The following RBMS3 variants were observed in gnomAD, a reference collection of about 807,000 sequenced individuals.
The protein encoded by RBMS3 is RNA-binding motif, single-stranded-interacting protein 3.
In RBMS3, 27 loss-of-function variants were observed where a neutral mutation model predicts 66.8. That is an observed-to-expected ratio of 0.40 (90% confidence interval 0.30 to 0.56). RBMS3 has a LOEUF of 0.56. Among genes scored for constraint, RBMS3 ranks in the 20% least tolerant of loss-of-function variants. RBMS3 has a pLI of 0.40. For synonymous variants in RBMS3, 188 were observed against 183.0 expected (o/e 1.03, Z -0.22); for missense variants, 513 against 549.5 (o/e 0.93, Z 0.66).
intron 1 of RBMS3, among the ~76,000 whole-genome samples, chr3:29,286,607 A>G (rs963825637): frequency 6.6e-6 from 1 of 152,114 alleles, no homozygotes; most frequent in Middle Eastern, 3.2e-3. Context: ...GAAGTAATAA[A>G]ATGTATCTGA....
intron 3 of RBMS3, among the ~76,000 whole-genome samples, chr3:29,540,107 GT>G (rs1190567127): frequency 6.6e-6 from 1 of 152,076 alleles, no homozygotes; most frequent in African/African-American, 2.4e-5. Flanking sequence ...TAATGTCTAA[GT>G]TTTATGTTTC....
chr3:29,383,037 CT>C (rs1194309925), intron 1 of RBMS3, among the ~76,000 whole-genome samples: 1 of 152,164 alleles, frequency 6.6e-6, no homozygotes, highest in African/African-American at 2.4e-5. Flanking sequence ...AAGAGCATGA[CT>C]TGGGGAAATA....
rs2031760143 is a variant in RBMS3 at position 29,281,403 on chromosome 3, A to C, written c.-279A>C. On this transcript the variant is annotated 5_prime_UTR_variant, in exon 1 of 15. Coordinates refer to ENST00000383767, the MANE Select transcript of RBMS3 (RefSeq NM_001003793.3). ...TGCCTCATCCCAAGTGGACCCCGGC[A>C]GCTGGGGGAAGCCAGGCAAGATCTG... 4.1e-6 allele frequency: 2 copies of C among 484,314 alleles called. No individual in the cohort carries two copies. The highest frequency in any genetic ancestry group is 5.7e-5 in the South Asian group (2 of 35,394). 30.0% of individuals were successfully genotyped at this position (484,314 alleles called of 1,614,324 possible).
At chr3:29,475,147 C>T (rs933633279) in intron 2 of RBMS3, among the ~76,000 whole-genome samples, 5 of 151,956 alleles carry the variant, frequency 3.3e-5, no homozygotes, top group Non-Finnish European at 5.9e-5. Flanking sequence ...GTGTCTGTAA[C>T]GGATGCTTAA....
chr3:30,000,108 A>T (rs186057583), intron 14 of RBMS3, among the ~76,000 whole-genome samples: 2 of 152,236 alleles, frequency 1.3e-5, no homozygotes, highest in Admixed American at 1.3e-4. Flanking sequence ...TGAACAGGCA[A>T]CGTACAGAAT....
chr3:29,556,092 C>T lies in RBMS3; in HGVS notation c.308-31022C>T, dbSNP rs185924846. 3.4e-4 allele frequency among the ~76,000 whole-genome samples: 51 copies of T among 151,418 alleles called. No homozygotes were observed. In the South Asian group the frequency reaches 4.8e-3, roughly 14 times the overall value. On this transcript the variant is annotated intron_variant, in intron 3 of 14. Coordinates refer to ENST00000383767, the MANE Select transcript of RBMS3 (RefSeq NM_001003793.3). The stretch of plus-strand genomic sequence containing the variant: ...CAAAATATGCATTGTATTATTCTGC[C>T]GTATCATAAGTGGTCTATCAGCCAC...
intron 3 of RBMS3, among the ~76,000 whole-genome samples, chr3:29,516,287 C>T (rs1215654796): frequency 1.3e-5 from 2 of 151,964 alleles, no homozygotes; most frequent in African/African-American, 2.4e-5. Context: ...CTAGGACATC[C>T]GATGAAAAAT....
rs182846870 is a variant in RBMS3 at position 29,630,071 on chromosome 3, C to A, written c.399+42866C>A. On this transcript the variant is annotated intron_variant, in intron 4 of 14. Transcript: ENST00000383767. ...GAAGGTGGCTGAAACTTAGTAGCCA[C>A]ACTCTACCTTTGCAGTTTTTATTTT... Among the ~76,000 whole-genome samples the A allele has an allele frequency of 7.8e-4, 118 of 152,146 alleles. 2 individuals carry two copies. Among genetic ancestry groups the A allele is most frequent in the African/African-American group, 2.7e-3 (111 of 41,564 alleles).
At chr3:29,388,765 C>T (rs991259218) in intron 1 of RBMS3, among the ~76,000 whole-genome samples, 13 of 152,162 alleles carry the variant, frequency 8.5e-5, no homozygotes, top group African/African-American at 1.7e-4. Context: ...AGGGTTTCAC[C>T]ATGTTAGCCA....
chr3:29,921,546 CAA>C (rs1450645885), intron 10 of RBMS3, among the ~76,000 whole-genome samples: 8 of 151,926 alleles, frequency 5.3e-5, no homozygotes, highest in Admixed American at 5.2e-4. Flanking sequence ...AGGAATGACA[CAA>C]TAAAATATTA....
intron 2 of RBMS3, among the ~76,000 whole-genome samples, chr3:29,487,132 G>A (rs956717147): frequency 6.6e-6 from 1 of 152,096 alleles, no homozygotes; most frequent in African/African-American, 2.4e-5. Flanking sequence ...ATGAATCATT[G>A]TCTAGTAAAG....
intron 4 of RBMS3, among the ~76,000 whole-genome samples, chr3:29,634,444 G>A (rs556801993): frequency 2.8e-4 from 42 of 151,792 alleles, no homozygotes; most frequent in Non-Finnish European, 8.8e-5. Flanking sequence ...AGCTGGTTGC[G>A]AACATGGGAG....
At chr3:29,744,536 C>A (rs1240877322) in intron 5 of RBMS3, among the ~76,000 whole-genome samples, 1 of 152,154 alleles carries the variant, frequency 6.6e-6, no homozygotes, top group African/African-American at 2.4e-5. Context: ...GTAATCCCAG[C>A]ACTTTGGGAG....
chr3:29,667,589 G>A (rs1030120247), intron 4 of RBMS3, among the ~76,000 whole-genome samples: 1 of 152,164 alleles, frequency 6.6e-6, no homozygotes, highest in African/African-American at 2.4e-5. Flanking sequence ...ATGCAGAACA[G>A]TAAGATGCAA....
At chr3:29,698,978 AT>A (rs1278306555) in intron 4 of RBMS3, among the ~76,000 whole-genome samples, 6 of 152,166 alleles carry the variant, frequency 3.9e-5, no homozygotes, top group Non-Finnish European at 8.8e-5. Flanking sequence ...AAATGTAAAC[AT>A]TTTCGACAAA....
At chr3:29,942,167 C>T (rs1405480824) in intron 11 of RBMS3, among the ~76,000 whole-genome samples, 1 of 151,634 alleles carries the variant, frequency 6.6e-6, no homozygotes, top group Non-Finnish European at 1.5e-5. Context: ...TGTAATGCAG[C>T]ATGAAATCGT....
intron 2 of RBMS3, among the ~76,000 whole-genome samples, chr3:29,445,893 T>G (rs1457856339): frequency 6.6e-6 from 1 of 152,118 alleles, no homozygotes; most frequent in Non-Finnish European, 1.5e-5. Flanking sequence ...TTTTTGAAAA[T>G]AGATTTTTTG....
At chr3:29,507,629 C>T (rs2044234883) in intron 3 of RBMS3, among the ~76,000 whole-genome samples, 2 of 152,052 alleles carry the variant, frequency 1.3e-5, no homozygotes, top group Non-Finnish European at 2.9e-5. Flanking sequence ...TGCACTGTGA[C>T]TTCTTTGATG....
chr3:29,846,820 G>T (rs2149512482), intron 6 of RBMS3, among the ~76,000 whole-genome samples: 1 of 152,006 alleles, frequency 6.6e-6, no homozygotes, highest in Non-Finnish European at 1.5e-5. Flanking sequence ...GAATTGATTA[G>T]CCAAGAACAA....
Sources: gnomAD v4.1 joint callset for allele counts (sites outside exome capture counted in the v4.1 genomes callset) on GRCh38, gnomAD v4.1.1 for gene constraint, MANE v1.5 for transcripts, NCBI Gene and HGNC (gene_info 2026-07-23, HGNC 2026-07-21) for gene names.